PLEK: variants seen among roughly 807,000 people sequenced by gnomAD.
The protein encoded by PLEK is platelet 47 kDa protein.
In PLEK, 25 loss-of-function variants were observed where a neutral mutation model predicts 43.9. The observed-to-expected ratio is 0.57, with a 90% confidence interval of 0.41 to 0.79. The LOEUF (loss-of-function observed/expected upper bound fraction) is 0.79. Ranked by LOEUF, PLEK falls within the 30% of genes least tolerant of loss-of-function variation. The pLI is 0.00. For missense variants in PLEK, 396 were observed against 413.3 expected, an observed-to-expected ratio of 0.96 and a Z score of 0.36; for synonymous variants, 152 against 144.4, an observed-to-expected ratio of 1.05 and a Z score of -0.38.
At chr2:68,389,125 T>C (rs960722928) in intron 6 of PLEK, among the ~76,000 whole-genome samples, 3 of 152,122 alleles carry the variant, frequency 2.0e-5, no homozygotes, top group Non-Finnish European at 4.4e-5. Flanking sequence ...GGAGCTCTAG[T>C]CGGTTACCAG....
chr2:68,389,229 G>T (rs1002022883), intron 6 of PLEK, among the ~76,000 whole-genome samples: 2 of 152,240 alleles, frequency 1.3e-5, no homozygotes, highest in African/African-American at 2.4e-5. Flanking sequence ...GAAGTCGCAG[G>T]AAGACATGAG....
chr2:68,395,850 G>A lies in PLEK; in HGVS notation c.*34G>A. The stretch of plus-strand genomic sequence containing the variant: ...CTGCATTCCTCCTCCCCTCCTGAGG[G>A]AAGCCCATGGACAAGCTCAGTCCAG... On this transcript the variant is annotated 3_prime_UTR_variant, in exon 9 of 9. Transcript: ENST00000234313. 1 of 1,592,854 alleles carries A rather than the reference G, an allele frequency of 6.3e-7. No individual in the cohort carries two copies. The highest frequency in any genetic ancestry group is 8.6e-7 in the Non-Finnish European group (1 of 1,161,528).
Position 68,395,751 on chromosome 2 carries a change from G to T in PLEK, c.988G>T (p.Ala330Ser), listed in dbSNP as rs1673950892. 6.2e-7 allele frequency: 1 copy of T among 1,613,840 alleles called. No individual in the cohort carries two copies. Among genetic ancestry groups the T allele is most frequent in the East Asian group, 2.2e-5 (1 of 44,864 alleles). ...ADEVHYFLQAATPKERTEWIR... is the reference protein window; with the variant it reads ...ADEVHYFLQASTPKERTEWIR... Reference sequence around the variant, plus strand: ...TGAAGTGCACTATTTCTTGCAAGCAGCCACCCCCAAGGAGCGCACAGAGTG... The same window carrying T: ...TGAAGTGCACTATTTCTTGCAAGCATCCACCCCCAAGGAGCGCACAGAGTG... Residue 330 changes from alanine to serine, a missense_variant, in exon 9 of 9, where the codon GCC becomes TCC. Transcript: ENST00000234313.
At chr2:68,393,721 G>A (rs1673905040) in intron 7 of PLEK, among the ~76,000 whole-genome samples, 1 of 152,200 alleles carries the variant, frequency 6.6e-6, no homozygotes, top group African/African-American at 2.4e-5. Flanking sequence ...CCCTCCGCTT[G>A]CAGCACTGGG....
chr2:68,376,086 A>T (rs1336759133), intron 1 of PLEK, among the ~76,000 whole-genome samples: 1 of 152,160 alleles, frequency 6.6e-6, no homozygotes, highest in East Asian at 1.9e-4. Flanking sequence ...AGCCCAAGAG[A>T]TGGAAGCAAC....
chr2:68,388,383 AC>A lies in PLEK; in HGVS notation c.658-3del. 1 of 1,585,896 alleles carries A rather than the reference AC, an allele frequency of 6.3e-7. No homozygotes were observed. The highest frequency in any genetic ancestry group is 8.7e-7 in the Non-Finnish European group (1 of 1,154,418). On this transcript the variant is annotated splice_polypyrimidine_tract_variant and splice_region_variant and intron_variant, in intron 5 of 8. Coordinates refer to ENST00000234313, the MANE Select transcript of PLEK (RefSeq NM_002664.3). ...TGTTAGCTTGCTGTTTGATTTTCCAACAGCCAGACAGTGGGTTCTTCTGTGA... is the reference window on the plus strand; with the variant it reads ...TGTTAGCTTGCTGTTTGATTTTCCAAAGCCAGACAGTGGGTTCTTCTGTGA...
intron 1 of PLEK, among the ~76,000 whole-genome samples, chr2:68,373,543 G>A (rs986808643): frequency 2.0e-5 from 3 of 151,338 alleles, no homozygotes; most frequent in Admixed American, 1.3e-4. Flanking sequence ...TAACCTTCAC[G>A]TTGTGCACAT....
At chr2:68,395,175 A>T (rs1673941208) in intron 8 of PLEK, among the ~76,000 whole-genome samples, 1 of 151,330 alleles carries the variant, frequency 6.6e-6, no homozygotes. Context: ...GTGTATGTAT[A>T]TAAACATATA....
rs1318428778 is a variant in PLEK, at chr2:68,386,705, C to T, written c.657+19C>T. 4 of 1,593,746 alleles carry T rather than the reference C, an allele frequency of 2.5e-6. No homozygotes were observed. The highest frequency in any genetic ancestry group is 3.4e-6 in the Non-Finnish European group (4 of 1,162,694). On this transcript the variant is annotated intron_variant, in intron 5 of 8. Transcript: ENST00000234313. Reference sequence around the variant, plus strand: ...CTACTTTGTAAGAAAAGCTCCCCATCTCTTCTTCCTGTAAGGGAGGCTGCC... The same window carrying T: ...CTACTTTGTAAGAAAAGCTCCCCATTTCTTCTTCCTGTAAGGGAGGCTGCC...
At chr2:68,388,519 G>C in intron 6 of PLEK, 28 bp downstream of exon 6, 4 of 1,198,158 alleles carry the variant, frequency 3.3e-6, no homozygotes, top group Non-Finnish European at 5.0e-6. Flanking sequence ...CTCCCATCTA[G>C]CCTTTTCCCT....
intron 5 of PLEK, among the ~76,000 whole-genome samples, chr2:68,387,570 T>C (rs1243928103): frequency 1.3e-5 from 2 of 152,206 alleles, no homozygotes; most frequent in Non-Finnish European, 2.9e-5. Flanking sequence ...TTACCCACGA[T>C]TGGGAAACAC....
chr2:68,389,874 G>A (rs1303984102), intron 6 of PLEK, among the ~76,000 whole-genome samples: 1 of 152,140 alleles, frequency 6.6e-6, no homozygotes, highest in African/African-American at 2.4e-5. Context: ...TTTGATTGCA[G>A]GTGCTGGAAT....
intron 1 of PLEK, among the ~76,000 whole-genome samples, chr2:68,379,994 G>A (rs1328586252): frequency 6.6e-6 from 1 of 152,296 alleles, no homozygotes; most frequent in East Asian, 1.9e-4. Flanking sequence ...ATCACGGTGG[G>A]TCTGTGCAGT....
chr2:68,387,317 C>A (rs568835282), intron 5 of PLEK, among the ~76,000 whole-genome samples: 87 of 152,294 alleles, frequency 5.7e-4, no homozygotes, highest in Middle Eastern at 6.8e-3. Context: ...CTGTCTTAGA[C>A]CCTAGTCCAT....
chr2:68,368,374 A>G (rs780896469), intron 1 of PLEK, among the ~76,000 whole-genome samples: 1 of 152,208 alleles, frequency 6.6e-6, no homozygotes, highest in Non-Finnish European at 1.5e-5. Context: ...AGATAAGAAA[A>G]CTGAGGTTCA....
chr2:68,366,512 T>A (rs1008994730), intron 1 of PLEK, among the ~76,000 whole-genome samples: 1 of 152,208 alleles, frequency 6.6e-6, no homozygotes, highest in African/African-American at 2.4e-5. Context: ...TCTCTGATGC[T>A]TAGGTTTCTG....
chr2:68,380,668 G>A (rs1471467481), intron 2 of PLEK, 55 bp from the exon 3 acceptor site: 25 of 1,560,954 alleles, frequency 1.6e-5, no homozygotes, highest in Non-Finnish European at 1.9e-5. Context: ...GCTTCATGAG[G>A]GGCCCCAAGC....
At chr2:68,385,709 C>T (rs998707568) in intron 4 of PLEK, among the ~76,000 whole-genome samples, 5 of 152,290 alleles carry the variant, frequency 3.3e-5, no homozygotes, top group East Asian at 1.9e-4. Context: ...GCTTGGCAAA[C>T]GCCTACTCAT....
Position 68,396,666 on chromosome 2 carries a change from G to A in PLEK, c.*850G>A, listed in dbSNP as rs771075357. On this transcript the variant is annotated 3_prime_UTR_variant, in exon 9 of 9. Transcript: ENST00000234313. ...TCTCTAACGTTTATTACAATTAGGA[G>A]GGGGACCCCACATCTGTGAGATTCT... is the stretch of plus-strand genomic sequence containing the variant. The A allele has an allele frequency of 6.6e-6, 1 of 152,108 alleles. No homozygotes were observed. The highest frequency in any genetic ancestry group is 1.5e-5 in the Non-Finnish European group (1 of 68,034). The allele number at this position is 152,108 out of a possible 1,614,324, so 9.4% of individuals were successfully genotyped here.
Sources: gnomAD v4.1 joint callset for allele counts (sites outside exome capture counted in the v4.1 genomes callset) on GRCh38, gnomAD v4.1.1 for gene constraint, MANE v1.5 for transcripts, NCBI Gene and HGNC (gene_info 2026-07-23, HGNC 2026-07-21) for gene names.